Variants in CNOT10 observed in about 807,000 individuals in gnomAD.
CNOT10 encodes CCR4-NOT transcription complex subunit 10.
Under a neutral mutation model 94.6 loss-of-function variants are expected in CNOT10, and 30 were observed. The ratio of observed to expected loss-of-function variants is 0.32; its 90% CI spans 0.24 to 0.43. The LOEUF is 0.43. CNOT10 is among the 20% of genes least tolerant of loss of function. CNOT10 has a pLI of 1.00. For synonymous variants in CNOT10, 289 were observed against 301.6 expected (o/e 0.96, Z 0.43); for missense variants, 759 against 877.2 (o/e 0.87, Z 1.70).
intron 8 of CNOT10, among the ~76,000 whole-genome samples, chr3:32,722,393 G>A (rs1395909360): frequency 6.6e-6 from 1 of 152,082 alleles, no homozygotes; most frequent in Non-Finnish European, 1.5e-5. Flanking sequence ...CATTGTCATA[G>A]TTTCTCCTCA....
Position 32,773,791 on chromosome 3 carries a change from G to A in CNOT10, c.*180G>A. 1.8e-6 allele frequency: 1 copy of A among 549,962 alleles called. No individual in the cohort carries two copies. Among genetic ancestry groups the A allele is most frequent in the Non-Finnish European group, 3.0e-6 (1 of 330,874 alleles). The allele number at this position is 549,962 out of a possible 1,614,324, so 34.1% of individuals were successfully genotyped here. ...AGGATTTACTAAGTCATCATCAGCT[G>A]TTTTTCTTAATTTCAGCCAGACTAT... On this transcript the variant is annotated 3_prime_UTR_variant, in exon 19 of 19. Coordinates refer to ENST00000328834, the MANE Select transcript of CNOT10 (RefSeq NM_015442.3).
At chr3:32,718,113 C>A (rs1698203421) in intron 7 of CNOT10, among the ~76,000 whole-genome samples, 1 of 151,904 alleles carries the variant, frequency 6.6e-6, no homozygotes, top group Non-Finnish European at 1.5e-5. Flanking sequence ...AGTATAAAGT[C>A]ATGAGAAAAT....
At chr3:32,737,577 C>T (rs182757559) in intron 13 of CNOT10, 87 bp downstream of exon 13, 1 of 820,900 alleles carries the variant, frequency 1.2e-6, no homozygotes, top group African/African-American at 1.7e-5. Flanking sequence ...CTAATCCCAG[C>T]ACTTTGGGAG....
Position 32,747,847 on chromosome 3 carries a change from C to A in CNOT10, c.1595+10357C>A, listed in dbSNP as rs142952034. On this transcript the variant is annotated intron_variant, in intron 13 of 18. Coordinates refer to ENST00000328834, the MANE Select transcript of CNOT10 (RefSeq NM_015442.3). ...CATGTAGTCCCAGCTCCTCGGGAGG[C>A]TGAGGCGGGAGAATTGCTTGAGTGC... 1.9e-3 allele frequency among the ~76,000 whole-genome samples: 292 copies of A among 152,282 alleles called. 2 individuals carry two copies. Among genetic ancestry groups the A allele is most frequent in the Middle Eastern group, 3.4e-3 (1 of 294 alleles).
chr3:32,764,950 T>C (rs1445368123), intron 17 of CNOT10, 141 bp downstream of exon 17: 2 of 1,501,288 alleles, frequency 1.3e-6, no homozygotes, highest in African/African-American at 2.8e-5. Context: ...AAAAATATTC[T>C]TGCAAGGTAA....
intron 14 of CNOT10, among the ~76,000 whole-genome samples, chr3:32,762,300 CA>C (rs1700487161): frequency 6.6e-6 from 1 of 151,518 alleles, no homozygotes; most frequent in Non-Finnish European, 1.5e-5. Flanking sequence ...GATGGCGTCT[CA>C]CTCTGTCATT....
At chr3:32,733,599 G>T in intron 11 of CNOT10, 55 bp downstream of exon 11, 1 of 1,161,754 alleles carries the variant, frequency 8.6e-7, no homozygotes, top group Non-Finnish European at 1.2e-6. Flanking sequence ...TTTACATAAT[G>T]TTACTTATAT....
At chr3:32,704,310 A>T (rs932795696) in intron 2 of CNOT10, among the ~76,000 whole-genome samples, 1 of 152,146 alleles carries the variant, frequency 6.6e-6, no homozygotes, top group Admixed American at 6.5e-5. Context: ...AGATTCAAAA[A>T]TTATTTTCTT....
At chr3:32,690,269 CTTTT>C in intron 1 of CNOT10, among the ~76,000 whole-genome samples, 1 of 152,032 alleles carries the variant, frequency 6.6e-6, no homozygotes, top group Middle Eastern at 3.4e-3. Context: ...TTCAAGAAGT[CTTTT>C]TTTTAAGCTT....
intron 1 of CNOT10, among the ~76,000 whole-genome samples, chr3:32,696,188 C>T (rs925822511): frequency 2.0e-5 from 3 of 151,884 alleles, no homozygotes; most frequent in African/African-American, 7.3e-5. Flanking sequence ...TGGTGGCGGG[C>T]ACCTATAATC....
At chr3:32,685,563 C>G in intron 1 of CNOT10, 81 bp downstream of exon 1, 1 of 1,476,658 alleles carries the variant, frequency 6.8e-7, no homozygotes, top group Non-Finnish European at 9.2e-7. Context: ...CGGCGGGGCC[C>G]GGGGTGGGGA....
At chr3:32,694,365 C>G (rs1696967064) in intron 1 of CNOT10, among the ~76,000 whole-genome samples, 1 of 152,038 alleles carries the variant, frequency 6.6e-6, no homozygotes, top group Non-Finnish European at 1.5e-5. Flanking sequence ...AATAAGTTGT[C>G]TAAGTTCGGT....
chr3:32,736,189 G>A (rs1386435129), intron 12 of CNOT10, among the ~76,000 whole-genome samples: 3 of 152,044 alleles, frequency 2.0e-5, no homozygotes, highest in Non-Finnish European at 2.9e-5. Context: ...AGGCTCAAGC[G>A]ATTCTCCTGC....
At chr3:32,747,157 T>A (rs945024534) in intron 13 of CNOT10, among the ~76,000 whole-genome samples, 1 of 152,150 alleles carries the variant, frequency 6.6e-6, no homozygotes, top group African/African-American at 2.4e-5. Flanking sequence ...GGCTCACACC[T>A]GTAATCCCAG....
intron 3 of CNOT10, among the ~76,000 whole-genome samples, chr3:32,706,850 A>G (rs564551197): frequency 4.6e-5 from 7 of 152,360 alleles, no homozygotes; most frequent in African/African-American, 1.7e-4. Context: ...GAAGATTATA[A>G]AAAGTTCCCA....
At chr3:32,730,792 T>A (rs1324563385) in intron 10 of CNOT10, 1 of 152,226 alleles carries the variant, frequency 6.6e-6, no homozygotes, top group Non-Finnish European at 1.5e-5. Flanking sequence ...TATTTCAGAC[T>A]TGGCAGAGGC....
At chr3:32,696,627 G>A (rs1575205206) in intron 1 of CNOT10, among the ~76,000 whole-genome samples, 1 of 152,130 alleles carries the variant, frequency 6.6e-6, no homozygotes, top group African/African-American at 2.4e-5. Flanking sequence ...TTGAGATGAG[G>A]TCTCACTGTC....
intron 18 of CNOT10, among the ~76,000 whole-genome samples, chr3:32,772,175 C>G (rs533592532): frequency 6.6e-6 from 1 of 152,126 alleles, no homozygotes; most frequent in South Asian, 2.1e-4. Flanking sequence ...ATGGTGAAAC[C>G]CTGTCTCTAC....
intron 7 of CNOT10, among the ~76,000 whole-genome samples, chr3:32,719,866 C>G (rs1698292860): frequency 6.6e-6 from 1 of 152,128 alleles, no homozygotes; most frequent in Admixed American, 6.5e-5. Flanking sequence ...AGACTGTATT[C>G]TTATACATAT....
Sources: allele counts gnomAD v4.1 joint callset (sites outside exome capture counted in the v4.1 genomes callset), GRCh38; gene constraint gnomAD v4.1.1; transcripts MANE v1.5; gene names NCBI Gene and HGNC (gene_info 2026-07-23, HGNC 2026-07-21).